Variants in LRRFIP1 observed in about 807,000 individuals in gnomAD.
The protein encoded by LRRFIP1 is leucine-rich repeat flightless-interacting protein 1.
LRRFIP1 carries 62 observed loss-of-function variants against 104.4 expected under a neutral mutation model. The ratio of observed to expected loss-of-function variants is 0.59; its 90% confidence interval spans 0.48 to 0.73. The LOEUF is 0.73. LRRFIP1 is among the 30% of genes least tolerant of loss of function. The pLI is 0.00. For synonymous variants in LRRFIP1, 300 were observed against 299.0 expected (o/e 1.00, Z -0.03); for missense variants, 796 against 824.5 (o/e 0.97, Z 0.42).
At chr2:237,677,686 C>T (rs576447384) in intron 1 of LRRFIP1, among the ~76,000 whole-genome samples, 3 of 152,236 alleles carry the variant, frequency 2.0e-5, no homozygotes, top group African/African-American at 7.2e-5. Context: ...AGTTTCAGTG[C>T]AGATCCCTTC....
intron 1 of LRRFIP1, among the ~76,000 whole-genome samples, chr2:237,693,790 G>C (rs2092978103): frequency 6.6e-6 from 1 of 152,158 alleles, no homozygotes; most frequent in Non-Finnish European, 1.5e-5. Flanking sequence ...TTGAGAACAG[G>C]ATGTGAGGAA....
intron 13 of LRRFIP1, among the ~76,000 whole-genome samples, chr2:237,750,326 CTTTTTTTTTT>C (rs928510240): frequency 9.9e-5 from 6 of 60,718 alleles, no homozygotes; most frequent in East Asian, 5.2e-4. Flanking sequence ...TTCTTTCTTT[CTTTTTTTTTT>C]TTTTTTTTTT....
intron 7 of LRRFIP1, among the ~76,000 whole-genome samples, 185 bp from the exon 8 acceptor site, chr2:237,727,691 G>A (rs914157175): frequency 2.0e-5 from 3 of 152,292 alleles, no homozygotes; most frequent in African/African-American, 4.8e-5. Context: ...CCTGAGCTGC[G>A]GGGGAGCAGA....
intron 19 of LRRFIP1, chr2:237,765,905 T>C (rs552202701): frequency 1.0e-6 from 1 of 985,216 alleles, no homozygotes. Flanking sequence ...AAACATTTTA[T>C]AATTGTGCAA....
chr2:237,666,895 T>C (rs2089448062), intron 1 of LRRFIP1, among the ~76,000 whole-genome samples: 1 of 150,470 alleles, frequency 6.6e-6, no homozygotes, highest in African/African-American at 2.5e-5. Flanking sequence ...TTCCTTTCTT[T>C]TTTCCCTCCC....
intron 10 of LRRFIP1, among the ~76,000 whole-genome samples, chr2:237,736,133 A>G (rs2095238609): frequency 1.3e-5 from 2 of 152,220 alleles, no homozygotes; most frequent in African/African-American, 4.8e-5. Flanking sequence ...ATGACTTACT[A>G]TGCTATTTGT....
In LRRFIP1 at chr2:237,711,842, G is replaced by A. The variant is rs2094110021; in HGVS notation, c.184-2417G>A. Among the ~76,000 whole-genome samples the A allele has an allele frequency of 6.6e-6, 1 of 152,214 alleles. No homozygotes were observed. On this transcript the variant is annotated intron_variant, in intron 2 of 23. Transcript: ENST00000308482. This position sits in a 1 kb window ranked among gnomAD's most constrained non-coding sequence, Gnocchi z 4.4. ...AGCAGAGGATGGACATGGCAGACAG[G>A]AAGCTGCCCTGGGAGACGAGAGCCA...
At chr2:237,674,312 G>A (rs918997658) in intron 1 of LRRFIP1, among the ~76,000 whole-genome samples, 2 of 152,204 alleles carry the variant, frequency 1.3e-5, no homozygotes, top group African/African-American at 4.8e-5. Context: ...GCCTGCGCCC[G>A]CAGATGAGCA....
Position 237,661,249 on chromosome 2 carries a change from C to T in LRRFIP1, c.96+33509C>T, listed in dbSNP as rs749422733. Among the ~76,000 whole-genome samples, 10 of 152,172 alleles carry T rather than the reference C, an allele frequency of 6.6e-5. No homozygotes were observed. Among genetic ancestry groups the T allele is most frequent in the Admixed American group, 2.6e-4 (4 of 15,284 alleles). ...TTCCTGGGCCCTCTGATGATTCTCC[C>T]TCTGCCTTGGAGGCTTGGCTTCCCC... On this transcript the variant is annotated intron_variant, in intron 1 of 23. Coordinates refer to ENST00000308482, the MANE Select transcript of LRRFIP1 (RefSeq NM_001137550.2). The surrounding 1 kb of genome is among the most constrained non-coding windows in gnomAD (Gnocchi z 4.4).
At position 237,779,501 on chromosome 2, in the gene LRRFIP1, C is replaced by G; in HGVS notation, c.1892C>G (p.Ala631Gly). ...HLVKRLEKMK[A>G]NRSALLSQQ ...GTGAAGCGTCTGGAAAAAATGAAAG[C>G]AAATCGGAGTGCACTCTTGTCCCAG... Residue 631 changes from alanine (A) to glycine (G), a missense_variant, in exon 24 of 24, where the codon GCA (alanine) becomes GGA (glycine). Coordinates refer to ENST00000308482, the MANE Select transcript of LRRFIP1 (RefSeq NM_001137550.2). The G allele has an allele frequency of 6.2e-7, 1 of 1,613,656 alleles. No individual in the cohort carries two copies. Among genetic ancestry groups the G allele is most frequent in the Non-Finnish European group, 8.5e-7 (1 of 1,179,646 alleles).
chr2:237,687,626 AG>A (rs2092469903), intron 1 of LRRFIP1, among the ~76,000 whole-genome samples: 2 of 141,318 alleles, frequency 1.4e-5, no homozygotes, highest in Non-Finnish European at 3.1e-5. Flanking sequence ...AAAAAAAAAG[AG>A]GTGATCCAAA....
intron 1 of LRRFIP1, among the ~76,000 whole-genome samples, chr2:237,660,757 C>T (rs2087759827): frequency 6.6e-6 from 1 of 152,164 alleles, no homozygotes; most frequent in South Asian, 2.1e-4. Flanking sequence ...GTGGAAGGAG[C>T]TCTGAGCTAG....
chr2:237,638,014 G>A (rs1460400633), intron 1 of LRRFIP1, among the ~76,000 whole-genome samples: 1 of 152,168 alleles, frequency 6.6e-6, no homozygotes, highest in Non-Finnish European at 1.5e-5. Flanking sequence ...TGGCACCAGG[G>A]ACCAGTTTTG....
Position 237,723,591 on chromosome 2 carries a change from G to A in LRRFIP1, c.384+5G>A. On this transcript the variant is annotated splice_donor_5th_base_variant and intron_variant, in intron 7 of 23. Coordinates refer to ENST00000308482, the MANE Select transcript of LRRFIP1 (RefSeq NM_001137550.2). The stretch of plus-strand genomic sequence containing the variant: ...TATGGGGGTCCTTACGCCTGGGTGA[G>A]ATGGTCGGATATACTTTGCTGTGTG... 1 of 1,613,940 alleles carries A rather than the reference G, an allele frequency of 6.2e-7. No homozygotes were observed. Among genetic ancestry groups the A allele is most frequent in the Non-Finnish European group, 8.5e-7 (1 of 1,179,870 alleles).
intron 1 of LRRFIP1, among the ~76,000 whole-genome samples, chr2:237,636,703 A>C (rs1041875683): frequency 1.3e-5 from 2 of 152,156 alleles, no homozygotes; most frequent in Non-Finnish European, 2.9e-5. Context: ...GGGAGGCACT[A>C]AACATGGTGA....
chr2:237,718,545 C>T (rs970507336), intron 4 of LRRFIP1, among the ~76,000 whole-genome samples: 4 of 152,120 alleles, frequency 2.6e-5, no homozygotes, highest in African/African-American at 7.2e-5. Flanking sequence ...CCACTGGTCC[C>T]GAGAGAGAGT....
chr2:237,659,287 T>C (rs575538075), intron 1 of LRRFIP1, among the ~76,000 whole-genome samples: 2 of 151,772 alleles, frequency 1.3e-5, no homozygotes, highest in Admixed American at 1.3e-4. Flanking sequence ...GTAGAGATGA[T>C]GTCTCCCTAT....
Position 237,691,989 on chromosome 2 carries a change from T to A in LRRFIP1, c.97-16555T>A, listed in dbSNP as rs1372011738. 5.3e-5 allele frequency among the ~76,000 whole-genome samples: 2 copies of A among 38,022 alleles called. No homozygotes were observed. The highest frequency in any genetic ancestry group is 2.1e-4 in the African/African-American group (2 of 9,540). The allele number at this position is 38,022 out of a possible 152,430, so 24.9% of individuals were successfully genotyped here. A position where few individuals can be genotyped will look rare whatever the true frequency, so the allele number is the denominator to read the frequency against. ...CGGGGCCTGGGTGGGGCGGAGCCGG[T>A]GGGGGTGGGGAAAGGGGCGTAACCG... On this transcript the variant is annotated intron_variant, in intron 1 of 23. Transcript: ENST00000308482. The surrounding 1 kb of genome is among the most constrained non-coding windows in gnomAD (Gnocchi z 5.4).
rs77516562 is a variant in LRRFIP1 at position 237,682,979 on chromosome 2, T to C, written c.97-25565T>C. 8.5e-3 allele frequency among the ~76,000 whole-genome samples: 1,299 copies of C among 152,332 alleles called. 16 individuals are homozygous for C. Among genetic ancestry groups the C allele is most frequent in the African/African-American group, 0.025 (1,058 of 41,578 alleles). ...CTCTAGATCCAGGGCCACTTGGCAA[T>C]GTCTGAGATATTTTTGGTTGTAACA... On this transcript the variant is annotated intron_variant, in intron 1 of 23. Coordinates refer to ENST00000308482, the MANE Select transcript of LRRFIP1 (RefSeq NM_001137550.2).
Sources: allele counts gnomAD v4.1 joint callset (sites outside exome capture counted in the v4.1 genomes callset), GRCh38; gene constraint gnomAD v4.1.1; non-coding constraint Gnocchi (gnomAD v3.1); transcripts MANE v1.5; gene names NCBI Gene and HGNC (gene_info 2026-07-23, HGNC 2026-07-21).